The following MAML2 variants were observed in gnomAD, a reference collection of about 807,000 sequenced individuals.
MAML2 encodes mastermind like transcriptional coactivator 2.
Under a neutral mutation model 96.1 loss-of-function variants are expected in MAML2, and 22 were observed. The ratio of observed to expected loss-of-function variants is 0.23; its 90% confidence interval spans 0.16 to 0.33. MAML2 has a LOEUF of 0.33. Among genes scored for constraint, MAML2 ranks in the 10% least tolerant of loss-of-function variants. The probability of loss-of-function intolerance (pLI) is 1.00; values close to 1 mark genes in which losing one functional copy is unlikely to be tolerated. For synonymous variants in MAML2, 561 were observed against 521.3 expected, an observed-to-expected ratio of 1.08 and a Z score of -1.04; for missense variants, 1,367 against 1,392.4, an observed-to-expected ratio of 0.98 and a Z score of 0.29.
intron 1 of MAML2, among the ~76,000 whole-genome samples, chr11:96,315,782 C>A (rs1863623409): frequency 6.6e-6 from 1 of 152,228 alleles, no homozygotes; most frequent in African/African-American, 2.4e-5. Flanking sequence ...GGCTATGCAT[C>A]CAGTCCCTGC....
At chr11:96,221,489 G>C (rs144505067) in intron 1 of MAML2, among the ~76,000 whole-genome samples, 1 of 152,192 alleles carries the variant, frequency 6.6e-6, no homozygotes, top group East Asian at 1.9e-4. Context: ...GGCTATACCC[G>C]AGGTTAGAGA....
At chr11:96,071,801 A>G (rs1031079727) in intron 2 of MAML2, among the ~76,000 whole-genome samples, 4 of 152,174 alleles carry the variant, frequency 2.6e-5, no homozygotes, top group Admixed American at 1.3e-4. Flanking sequence ...TCCCCAGTCC[A>G]TCCTGCATAT....
intron 1 of MAML2, among the ~76,000 whole-genome samples, chr11:96,177,466 G>A (rs890614860): frequency 6.6e-6 from 1 of 152,128 alleles, no homozygotes; most frequent in Non-Finnish European, 1.5e-5. Flanking sequence ...AATAGCATAG[G>A]AGTACTTGCA....
At chr11:96,218,306 A>G (rs1021239072) in intron 1 of MAML2, among the ~76,000 whole-genome samples, 1 of 152,322 alleles carries the variant, frequency 6.6e-6, no homozygotes, top group East Asian at 1.9e-4. Context: ...TTATAATTCA[A>G]TCCTAAGGCA....
intron 1 of MAML2, among the ~76,000 whole-genome samples, chr11:96,288,312 C>T (rs890481084): frequency 1.3e-4 from 19 of 151,954 alleles, no homozygotes; most frequent in African/African-American, 2.4e-4. Context: ...GAGGTCGAGG[C>T]GGGTGGATCA....
Position 95,991,740 on chromosome 11 carries a change from G to C in MAML2, c.2140-17C>G, listed in dbSNP as rs534253505. On this transcript the variant is annotated splice_polypyrimidine_tract_variant and intron_variant, in intron 2 of 4. Transcript: ENST00000524717. ...GTGTTGATCCTAAAGAAGAGAAAGG[G>C]GGAAGGAAAAGCTACTGTGAATTAA... 1.2e-6 allele frequency: 2 copies of C among 1,605,168 alleles called. No homozygotes were observed. Among genetic ancestry groups the C allele is most frequent in the African/African-American group, 1.3e-5 (1 of 74,782 alleles).
At chr11:96,173,880 G>C (rs531137822) in intron 1 of MAML2, among the ~76,000 whole-genome samples, 1 of 152,254 alleles carries the variant, frequency 6.6e-6, no homozygotes, top group African/African-American at 2.4e-5. Flanking sequence ...TATTGTTTTT[G>C]CTCTTTTATT....
chr11:96,229,744 T>G (rs1459922965), intron 1 of MAML2, among the ~76,000 whole-genome samples: 1 of 152,056 alleles, frequency 6.6e-6, no homozygotes, highest in Non-Finnish European at 1.5e-5. Flanking sequence ...ACCATAAATT[T>G]GAAATTACTC....
intron 1 of MAML2, among the ~76,000 whole-genome samples, chr11:96,116,775 C>T (rs895029449): frequency 2.6e-5 from 4 of 152,158 alleles, no homozygotes; most frequent in Non-Finnish European, 5.9e-5. Context: ...AGGATTTCAA[C>T]TTTTAGTTTA....
rs184235757 is a variant in MAML2 at position 96,187,356 on chromosome 11, G to A, written c.514-93839C>T. Among the ~76,000 whole-genome samples the A allele has an allele frequency of 3.3e-3, 505 of 152,244 alleles. 5 individuals are homozygous for A. Among genetic ancestry groups the A allele is most frequent in the Admixed American group, 6.5e-3 (99 of 15,296 alleles). ...TTTGGTATTTTCTTGACACTTAGTA[G>A]GTATTCTAGAAATATTTTATTTTAA... On this transcript the variant is annotated intron_variant, in intron 1 of 4. Transcript: ENST00000524717.
intron 2 of MAML2, among the ~76,000 whole-genome samples, chr11:96,066,148 G>A (rs749135017): frequency 8.5e-5 from 13 of 152,212 alleles, no homozygotes; most frequent in Non-Finnish European, 1.5e-4. Flanking sequence ...TGTAGGAAGA[G>A]GTATCTTGTT....
At chr11:96,025,126 T>C (rs111950641) in intron 2 of MAML2, among the ~76,000 whole-genome samples, 1,583 of 152,136 alleles carry the variant, frequency 0.01, 29 homozygotes, top group African/African-American at 0.036. Flanking sequence ...CTATTCACAA[T>C]AGTAAAGACA....
Position 95,991,589 on chromosome 11 carries a change from C to G in MAML2, c.2274G>C (p.Gln758His), listed in dbSNP as rs1857913022. 2 of 1,613,702 alleles carry G rather than the reference C, an allele frequency of 1.2e-6. No individual in the cohort carries two copies. The highest frequency in any genetic ancestry group is 2.7e-5 in the African/African-American group (2 of 74,916). Residue 758 changes from glutamine (Q) to histidine (H), a missense_variant, in exon 3 of 5, where the codon CAG becomes CAC. Coordinates refer to ENST00000524717, the MANE Select transcript of MAML2 (RefSeq NM_032427.4). ...GCTCCATGATCTGCCTCTGTAGAGT[C>G]TGCTTCTTTCCCATCAATTGCTGAT... ...LLNQQLMGKK[Q>H]TLQRQIMEQK... is the part of the protein sequence containing the mutation.
At chr11:95,982,248 C>T (rs1401470735) in intron 4 of MAML2, among the ~76,000 whole-genome samples, 5 of 152,168 alleles carry the variant, frequency 3.3e-5, no homozygotes, top group Non-Finnish European at 7.3e-5. Flanking sequence ...CCAATATTCA[C>T]TGTGGAAGAG....
At chr11:95,989,078 C>A (rs902898515) in intron 3 of MAML2, among the ~76,000 whole-genome samples, 1 of 152,152 alleles carries the variant, frequency 6.6e-6, no homozygotes, top group South Asian at 2.1e-4. Context: ...TTACGATGTC[C>A]GTTGTAATAA....
At chr11:96,293,918 T>G (rs1863250929) in intron 1 of MAML2, among the ~76,000 whole-genome samples, 1 of 152,250 alleles carries the variant, frequency 6.6e-6, no homozygotes, top group South Asian at 2.1e-4. Context: ...GTCTAGTGAT[T>G]GGTTAAATAA....
At chr11:96,121,609 T>C (rs1032004667) in intron 1 of MAML2, among the ~76,000 whole-genome samples, 10 of 151,986 alleles carry the variant, frequency 6.6e-5, no homozygotes, top group African/African-American at 2.4e-4. Flanking sequence ...TCATCCAGTA[T>C]TAATATAAAA....
At chr11:96,261,068 GA>G (rs1862742524) in intron 1 of MAML2, among the ~76,000 whole-genome samples, 1 of 152,046 alleles carries the variant, frequency 6.6e-6, no homozygotes, top group African/African-American at 2.4e-5. Flanking sequence ...ACGCATGTTG[GA>G]ACTTAATCTC....
intron 1 of MAML2, among the ~76,000 whole-genome samples, chr11:96,097,778 A>G (rs1859856916): frequency 6.6e-6 from 1 of 152,162 alleles, no homozygotes; most frequent in African/African-American, 2.4e-5. Flanking sequence ...CCTCTTAACT[A>G]TTGTATACTG....
Sources: gnomAD v4.1 joint callset for allele counts (sites outside exome capture counted in the v4.1 genomes callset) on GRCh38, gnomAD v4.1.1 for gene constraint, MANE v1.5 for transcripts, NCBI Gene and HGNC (gene_info 2026-07-23, HGNC 2026-07-21) for gene names.